Variants in NUDT1 observed in about 807,000 individuals in gnomAD.
The protein encoded by NUDT1 is oxidized purine nucleoside triphosphate hydrolase.
In NUDT1, 16 loss-of-function variants were observed where a neutral mutation model predicts 11.3. The ratio of observed to expected loss-of-function variants is 1.41; its 90% CI spans 0.96 to 2.15. NUDT1 has a LOEUF of 2.15. Ranked by LOEUF, NUDT1 falls within the 30% of genes most tolerant of loss-of-function variation. NUDT1 has a pLI of 0.00. For missense variants in NUDT1, 234 were observed against 208.4 expected, an observed-to-expected ratio of 1.12 and a Z score of -0.76; for synonymous variants, 101 against 84.4, an observed-to-expected ratio of 1.20 and a Z score of -1.08.
At chr7:2,242,487 C>G (rs560935497) in intron 1 of NUDT1, 11 of 452,942 alleles carry the variant, frequency 2.4e-5, no homozygotes, top group African/African-American at 1.9e-4. Flanking sequence ...TGGGGGAGAC[C>G]AGGAGTAAAT....
chr7:2,242,730 G>C (rs897164057), intron 1 of NUDT1: 1 of 467,394 alleles, frequency 2.1e-6, no homozygotes, highest in Non-Finnish European at 3.8e-6. Context: ...AGCCTCTAGG[G>C]GAACATACAG....
intron 1 of NUDT1, chr7:2,242,833 C>T: frequency 3.0e-6 from 2 of 660,846 alleles, no homozygotes; most frequent in Non-Finnish European, 5.5e-6. Context: ...TTAGAGGGTG[C>T]TCTTTCAGTT....
At chr7:2,246,459 C>A (rs10269800) in intron 2 of NUDT1, among the ~76,000 whole-genome samples, 3 of 152,138 alleles carry the variant, frequency 2.0e-5, no homozygotes, top group Admixed American at 6.5e-5. Context: ...GCTGGAGGAG[C>A]GCCAGCTGTG....
At chr7:2,250,307 G>A (rs1014891588) in intron 3 of NUDT1, among the ~76,000 whole-genome samples, 2 of 152,206 alleles carry the variant, frequency 1.3e-5, no homozygotes, top group Non-Finnish European at 2.9e-5. Flanking sequence ...GTGTACGTTT[G>A]GGCTGGCCAG....
At chr7:2,244,390 A>C (rs1245652473) in intron 1 of NUDT1, 173 bp from the exon 2 acceptor site, 1 of 596,976 alleles carries the variant, frequency 1.7e-6, no homozygotes, top group Non-Finnish European at 2.8e-6. Context: ...CACTGGTTCA[A>C]TGGCAGTTTT....
chr7:2,245,547 T>C (rs1036343456), intron 2 of NUDT1, among the ~76,000 whole-genome samples: 1 of 152,184 alleles, frequency 6.6e-6, no homozygotes, highest in Non-Finnish European at 1.5e-5. Context: ...GCCGCCCTTA[T>C]TACATAAAAG....
intron 1 of NUDT1, chr7:2,243,076 G>C (rs1794615590): frequency 2.8e-6 from 2 of 713,514 alleles, no homozygotes; most frequent in Non-Finnish European, 5.2e-6. Context: ...TCGGGCTGCT[G>C]AGCAGCCTGG....
At chr7:2,250,102 C>A (rs1396605988) in intron 3 of NUDT1, 100 bp downstream of exon 3, 2 of 1,501,054 alleles carry the variant, frequency 1.3e-6, no homozygotes, top group East Asian at 2.3e-5. Context: ...GTGCCAGGGA[C>A]CGGGCAGCCT....
chr7:2,244,603 T>G lies in NUDT1; in HGVS notation c.29T>G (p.Val10Gly). Residue 10 changes from valine (V) to glycine (G), a missense_variant, in exon 2 of 4, where the codon GTG (valine) becomes GGG (glycine). Transcript: ENST00000356714. MGASRLYTLVLVLQPQRVLL... is the reference protein window; with the variant it reads MGASRLYTLGLVLQPQRVLL... ...GGCGCCTCCAGGCTCTATACCCTGG[T>G]GCTGGTCCTGCAGCCTCAGCGAGTT... The G allele has an allele frequency of 6.2e-7, 1 of 1,611,492 alleles. No homozygotes were observed. The highest frequency in any genetic ancestry group is 8.5e-7 in the Non-Finnish European group (1 of 1,178,438).
At chr7:2,243,073 G>T (rs1483468920) in intron 1 of NUDT1, 2 of 714,266 alleles carry the variant, frequency 2.8e-6, no homozygotes, top group Non-Finnish European at 5.2e-6. Context: ...GAGTCGGGCT[G>T]CTGAGCAGCC....
chr7:2,250,489 G>A (rs1212950848), intron 3 of NUDT1, among the ~76,000 whole-genome samples: 4 of 152,228 alleles, frequency 2.6e-5, no homozygotes, highest in Admixed American at 6.5e-5. Context: ...ACGAAGTCTC[G>A]CTCTGTCGCC....
intron 2 of NUDT1, among the ~76,000 whole-genome samples, chr7:2,245,318 T>G (rs988019810): frequency 6.6e-5 from 10 of 152,180 alleles, no homozygotes; most frequent in African/African-American, 2.4e-4. Flanking sequence ...GCACAGACGT[T>G]AGCCCCCGTT....
At chr7:2,244,451 T>TGGCCCCCCCCCCCCCCCCCCCCCCC in intron 1 of NUDT1, 112 bp from the exon 2 acceptor site, 1 of 981,626 alleles carries the variant, frequency 1.0e-6, no homozygotes, top group Non-Finnish European at 1.5e-6. Flanking sequence ...AGTTACAGCA[T>TGGCCCCCCCCCCCCCCCCCCCCCCC]ACCCCCCCGC....
chr7:2,242,448 A>G, intron 1 of NUDT1, 192 bp downstream of exon 1: 3 of 494,270 alleles, frequency 6.1e-6, no homozygotes, highest in South Asian at 2.9e-5. Flanking sequence ...GGGGTTTGGG[A>G]GAGAGACAAG....
intron 1 of NUDT1, chr7:2,243,073 G>A (rs1483468920): frequency 1.4e-6 from 1 of 714,264 alleles, no homozygotes; most frequent in African/African-American, 1.7e-5. Context: ...GAGTCGGGCT[G>A]CTGAGCAGCC....
chr7:2,250,772 T>C, intron 3 of NUDT1, 57 bp from the exon 4 acceptor site: 1 of 1,610,512 alleles, frequency 6.2e-7, no homozygotes, highest in Non-Finnish European at 8.5e-7. Flanking sequence ...AAAACATGTT[T>C]TTTAAGCATG....
chr7:2,251,003 G>A lies in NUDT1; in HGVS notation c.*2G>A, dbSNP rs149666869. On this transcript the variant is annotated 3_prime_UTR_variant, in exon 4 of 4. Transcript: ENST00000356714. The stretch of plus-strand genomic sequence containing the variant: ...CTCCGCGAGGTGGACACGGTCTAGC[G>A]GGAGCCCAGGGCAGCCCCTGGGCAG... 119 of 1,613,738 alleles carry A rather than the reference G, an allele frequency of 7.4e-5. No individual in the cohort carries two copies. Among genetic ancestry groups the A allele is most frequent in the Middle Eastern group, 3.3e-4 (2 of 6,042 alleles).
intron 2 of NUDT1, among the ~76,000 whole-genome samples, chr7:2,245,931 C>A (rs1466436512): frequency 6.6e-6 from 1 of 152,016 alleles, no homozygotes; most frequent in Non-Finnish European, 1.5e-5. Context: ...TGCTTCCCCT[C>A]CAAGGCTTGG....
chr7:2,242,775 T>G, intron 1 of NUDT1: 1 of 500,832 alleles, frequency 2.0e-6, no homozygotes, highest in Non-Finnish European at 3.6e-6. Context: ...CCCACGGCAG[T>G]GTCTAGGGGT....
Sources: allele counts gnomAD v4.1 joint callset (sites outside exome capture counted in the v4.1 genomes callset), GRCh38; gene constraint gnomAD v4.1.1; transcripts MANE v1.5; gene names NCBI Gene and HGNC (gene_info 2026-07-23, HGNC 2026-07-21).